The following DHRS7B variants were observed in gnomAD, a reference collection of about 807,000 sequenced individuals.
DHRS7B encodes the protein peroxisomal reductase activating PPAR-gamma.
Under a neutral mutation model 26.4 loss-of-function variants are expected in DHRS7B, and 24 were observed. That is an observed-to-expected ratio of 0.91 (90% CI 0.66 to 1.28). The LOEUF is 1.28. DHRS7B is among the 50% of genes most tolerant of loss of function. The pLI is 0.00. For synonymous variants in DHRS7B, 142 were observed against 166.4 expected (o/e 0.85, Z 1.13); for missense variants, 368 against 419.4 (o/e 0.88, Z 1.07).
intron 1 of DHRS7B, among the ~76,000 whole-genome samples, chr17:21,171,517 G>A (rs1026597269): frequency 6.6e-6 from 1 of 152,216 alleles, no homozygotes; most frequent in Non-Finnish European, 1.5e-5. Context: ...TCTAGGGGCT[G>A]CTCCACCCAG....
At chr17:21,172,495 A>T (rs561183650) in intron 2 of DHRS7B, 3 of 504,480 alleles carry the variant, frequency 5.9e-6, no homozygotes, top group Non-Finnish European at 7.2e-6. Flanking sequence ...AGCCCTGCTC[A>T]GCCTCAGTTG....
chr17:21,170,013 C>T (rs148799979), intron 1 of DHRS7B, among the ~76,000 whole-genome samples: 2 of 152,340 alleles, frequency 1.3e-5, no homozygotes, highest in Non-Finnish European at 2.9e-5. Flanking sequence ...AATAGCCATC[C>T]AGCCGGGTTG....
intron 1 of DHRS7B, among the ~76,000 whole-genome samples, chr17:21,143,439 C>T (rs1216792081): frequency 2.0e-5 from 3 of 152,122 alleles, no homozygotes; most frequent in Non-Finnish European, 2.9e-5. Flanking sequence ...TGAGAAATAG[C>T]CACAGGATGG....
intron 1 of DHRS7B, among the ~76,000 whole-genome samples, chr17:21,145,559 G>A (rs1002276767): frequency 6.6e-6 from 1 of 152,192 alleles, no homozygotes; most frequent in Non-Finnish European, 1.5e-5. Flanking sequence ...GCTGGATAAG[G>A]AGAGATAAAG....
chr17:21,172,640 C>T (rs987321936), intron 2 of DHRS7B, among the ~76,000 whole-genome samples: 3 of 152,236 alleles, frequency 2.0e-5, no homozygotes, highest in African/African-American at 7.2e-5. Context: ...CTCTGGTTCA[C>T]AGCTTTGGTG....
At chr17:21,158,136 A>G (rs915532442) in intron 1 of DHRS7B, among the ~76,000 whole-genome samples, 1 of 152,212 alleles carries the variant, frequency 6.6e-6, no homozygotes, top group Admixed American at 6.5e-5. Context: ...TACAGCCATC[A>G]TACTTAATGG....
intron 1 of DHRS7B, among the ~76,000 whole-genome samples, chr17:21,149,045 G>C (rs1973703199): frequency 6.6e-6 from 1 of 152,082 alleles, no homozygotes; most frequent in African/African-American, 2.4e-5. Context: ...GGTCAACAAA[G>C]AGAGAATCCT....
intron 1 of DHRS7B, among the ~76,000 whole-genome samples, chr17:21,148,868 A>G (rs998974990): frequency 7.9e-5 from 12 of 152,234 alleles, no homozygotes; most frequent in African/African-American, 2.7e-4. Context: ...CTGGTGTTCA[A>G]GAGAGAGTTG....
In DHRS7B at chr17:21,191,132, G is replaced by T. The variant is rs755666136; in HGVS notation, c.957G>T (p.Glu319Asp). Reference protein sequence around the residue: ...FSLMASRARKERKSKNS With the variant: ...FSLMASRARKDRKSKNS The stretch of plus-strand genomic sequence containing the variant: ...TCATGGCCTCCAGGGCCAGAAAAGA[G>T]CGGAAATCCAAGAACTCCTAGTACT... The change falls in exon 7 of 7, where the codon GAG (glutamate) becomes GAT (aspartate). Residue 319 changes from glutamate to aspartate, a missense_variant. Physicochemically the swap from Glu to Asp is conservative, Grantham distance 45. Coordinates refer to ENST00000395511, the MANE Select transcript of DHRS7B (RefSeq NM_015510.5). 6.2e-7 allele frequency: 1 copy of T among 1,613,736 alleles called. No homozygotes were observed. The highest frequency in any genetic ancestry group is 8.5e-7 in the Non-Finnish European group (1 of 1,180,048).
At chr17:21,167,888 C>T (rs1168649506) in intron 1 of DHRS7B, among the ~76,000 whole-genome samples, 1 of 152,090 alleles carries the variant, frequency 6.6e-6, no homozygotes, top group Non-Finnish European at 1.5e-5. Flanking sequence ...ATAAATCCTT[C>T]TTGTATGCCA....
intron 1 of DHRS7B, among the ~76,000 whole-genome samples, chr17:21,146,111 C>T (rs1035584720): frequency 6.6e-6 from 1 of 152,130 alleles, no homozygotes; most frequent in Non-Finnish European, 1.5e-5. Flanking sequence ...GGCCTCCTAA[C>T]CTACATATAA....
Position 21,155,949 on chromosome 17 carries a change from A to G in DHRS7B, c.21-16069A>G, listed in dbSNP as rs542877878. On this transcript the variant is annotated intron_variant, in intron 1 of 6. Coordinates refer to ENST00000395511, the MANE Select transcript of DHRS7B (RefSeq NM_015510.5). ...ATGAAAACCTTACCAAATTTGTAGA[A>G]TGCAGCAAAAGCAGTGCTTAGAGGG... Among the ~76,000 whole-genome samples the G allele has an allele frequency of 2.6e-5, 4 of 152,330 alleles. No homozygotes were observed. In the South Asian group the frequency reaches 8.3e-4, roughly 32 times the overall value.
At chr17:21,131,687 C>T (rs750393120) in intron 1 of DHRS7B, among the ~76,000 whole-genome samples, 4 of 152,184 alleles carry the variant, frequency 2.6e-5, no homozygotes, top group Non-Finnish European at 4.4e-5. Context: ...TAGAGTTGCT[C>T]TGGTTCAGAT....
At chr17:21,161,148 C>T (rs1160636510) in intron 1 of DHRS7B, among the ~76,000 whole-genome samples, 4 of 152,146 alleles carry the variant, frequency 2.6e-5, no homozygotes, top group African/African-American at 7.2e-5. Flanking sequence ...TACATTTGTC[C>T]AAACCAAGAG....
chr17:21,150,919 GATTAGA>G (rs1275171054), intron 1 of DHRS7B, among the ~76,000 whole-genome samples: 1 of 152,082 alleles, frequency 6.6e-6, no homozygotes, highest in Non-Finnish European at 1.5e-5. Flanking sequence ...TAGATATTAG[GATTAGA>G]ATGTGGACAT....
At chr17:21,172,677 C>T (rs1420193338) in intron 2 of DHRS7B, among the ~76,000 whole-genome samples, 4 of 152,214 alleles carry the variant, frequency 2.6e-5, no homozygotes, top group African/African-American at 9.7e-5. Flanking sequence ...CTTGCCATCC[C>T]AGGCCAGGCC....
chr17:21,183,607 A>G lies in DHRS7B; in HGVS notation c.323A>G (p.Lys108Arg), dbSNP rs1299019357. 4 of 1,613,112 alleles carry G rather than the reference A, an allele frequency of 2.5e-6. No individual in the cohort carries two copies. Among genetic ancestry groups the G allele is most frequent in the Non-Finnish European group, 2.5e-6 (3 of 1,180,034 alleles). ...GTATTTGACCAGGTGCAGACACACA[A>G]GCCTTACTTGGTGACCTTCGACCTC... ...ASHATKVQTH[K>R]PYLVTFDLTD... Residue 108 changes from lysine to arginine, a missense_variant, in exon 4 of 7, where the codon AAG becomes AGG. By Grantham distance (26) the Lys-to-Arg change is conservative. Transcript: ENST00000395511.
At chr17:21,187,998 G>A (rs1422921999) in intron 5 of DHRS7B, among the ~76,000 whole-genome samples, 1 of 151,994 alleles carries the variant, frequency 6.6e-6, no homozygotes, top group Non-Finnish European at 1.5e-5. Context: ...ACAGGCACCC[G>A]CCACCAAGCC....
At position 21,191,165 on chromosome 17, in the gene DHRS7B, G is replaced by C. The variant is rs1270345130; in HGVS notation, c.*12G>C. On this transcript the variant is annotated 3_prime_UTR_variant, in exon 7 of 7. Coordinates refer to ENST00000395511, the MANE Select transcript of DHRS7B (RefSeq NM_015510.5). Reference sequence around the variant, plus strand: ...CCAAGAACTCCTAGTACTCTGACCAGCCAGGGCCAGGGCAGAGAAGCAGCA... The same window carrying C: ...CCAAGAACTCCTAGTACTCTGACCACCCAGGGCCAGGGCAGAGAAGCAGCA... 5.6e-6 allele frequency: 9 copies of C among 1,612,244 alleles called. No individual in the cohort carries two copies. Among genetic ancestry groups the C allele is most frequent in the Non-Finnish European group, 7.6e-6 (9 of 1,179,636 alleles).
Sources: gnomAD v4.1 joint callset for allele counts (sites outside exome capture counted in the v4.1 genomes callset) on GRCh38, gnomAD v4.1.1 for gene constraint, MANE v1.5 for transcripts, NCBI Gene and HGNC (gene_info 2026-07-23, HGNC 2026-07-21) for gene names.